FOXJ3: variants seen among roughly 807,000 people sequenced by gnomAD.
FOXJ3 encodes forkhead box J3.
A neutral mutation model predicts 76.1 loss-of-function variants in FOXJ3; 22 were observed. That is an observed-to-expected ratio of 0.29 (90% confidence interval 0.21 to 0.41). FOXJ3 has a LOEUF of 0.41. Ranked by LOEUF, FOXJ3 falls within the 10% of genes least tolerant of loss-of-function variation. The pLI, the probability that FOXJ3 is intolerant of heterozygous loss-of-function variation, is 1.00. For synonymous variants in FOXJ3, 269 were observed against 261.2 expected, an observed-to-expected ratio of 1.03 and a Z score of -0.29; for missense variants, 613 against 762.1, an observed-to-expected ratio of 0.80 and a Z score of 2.30.
intron 11 of FOXJ3, among the ~76,000 whole-genome samples, chr1:42,186,360 AG>A (rs1013322036): frequency 2.0e-5 from 3 of 152,118 alleles, no homozygotes; most frequent in African/African-American, 7.3e-5. Context: ...GGCAGGCATG[AG>A]TCAGAAGGAA....
chr1:42,310,480 C>T (rs1654740217), intron 2 of FOXJ3, among the ~76,000 whole-genome samples: 1 of 145,964 alleles, frequency 6.9e-6, no homozygotes, highest in Admixed American at 6.9e-5. Context: ...CAGAGTCTTG[C>T]TCTGTCCCCC....
At chr1:42,268,932 T>C (rs575071502) in intron 3 of FOXJ3, among the ~76,000 whole-genome samples, 2 of 152,232 alleles carry the variant, frequency 1.3e-5, no homozygotes, top group African/African-American at 4.8e-5. Flanking sequence ...TATTCTACCA[T>C]GTAAGGTTAT....
At chr1:42,305,328 G>A (rs1654391966) in intron 2 of FOXJ3, among the ~76,000 whole-genome samples, 1 of 152,104 alleles carries the variant, frequency 6.6e-6, no homozygotes. Flanking sequence ...CCACTATGGT[G>A]AACAGTTTGG....
intron 5 of FOXJ3, among the ~76,000 whole-genome samples, chr1:42,220,036 G>GC (rs1291420425): frequency 2.6e-5 from 4 of 152,160 alleles, no homozygotes; most frequent in African/African-American, 9.7e-5. Context: ...TCTAACAAGT[G>GC]CATTATTTCC....
At chr1:42,237,911 TACAC>T (rs60804378) in intron 4 of FOXJ3, among the ~76,000 whole-genome samples, 54,144 of 150,542 alleles carry the variant, frequency 0.36, 9,916 homozygotes, top group Admixed American at 0.49. Flanking sequence ...TCTATCAAAA[TACAC>T]ACACACACAC....
chr1:42,309,088 C>T (rs1470837978), intron 2 of FOXJ3, among the ~76,000 whole-genome samples: 1 of 149,504 alleles, frequency 6.7e-6, no homozygotes, highest in Admixed American at 6.7e-5. Flanking sequence ...AAACTACAAA[C>T]GTAACTTCAT....
chr1:42,185,086 ATC>A (rs1646408162), intron 11 of FOXJ3, among the ~76,000 whole-genome samples: 1 of 151,408 alleles, frequency 6.6e-6, no homozygotes, highest in African/African-American at 2.5e-5. Context: ...ACGTGACATG[ATC>A]TGACCTCTCT....
intron 2 of FOXJ3, among the ~76,000 whole-genome samples, chr1:42,290,078 A>G (rs1158746771): frequency 6.6e-6 from 1 of 152,166 alleles, no homozygotes; most frequent in Non-Finnish European, 1.5e-5. Context: ...TGATGTTTTA[A>G]GGAAAAAGTT....
At chr1:42,199,067 A>G (rs765332936) in intron 7 of FOXJ3, 35 bp downstream of exon 7, 20 of 1,559,532 alleles carry the variant, frequency 1.3e-5, no homozygotes, top group South Asian at 1.0e-4. Context: ...TACTAAATGA[A>G]TAACTATTAA....
At chr1:42,205,978 A>C in intron 5 of FOXJ3, 115 bp from the exon 6 acceptor site, 1 of 618,484 alleles carries the variant, frequency 1.6e-6, no homozygotes, top group East Asian at 2.8e-5. Flanking sequence ...TTGTTTCTGA[A>C]AATGAATTTA....
intron 2 of FOXJ3, among the ~76,000 whole-genome samples, chr1:42,295,186 G>T (rs1487467291): frequency 1.3e-5 from 2 of 152,108 alleles, no homozygotes; most frequent in African/African-American, 4.8e-5. Context: ...TACCCAACAT[G>T]TAATTTTTCA....
chr1:42,254,161 AACAG>A (rs1275221013), intron 4 of FOXJ3, among the ~76,000 whole-genome samples: 1 of 152,188 alleles, frequency 6.6e-6, no homozygotes, highest in Non-Finnish European at 1.5e-5. Flanking sequence ...GAAGGATATG[AACAG>A]ACACTCCTCA....
intron 2 of FOXJ3, among the ~76,000 whole-genome samples, chr1:42,291,667 G>C (rs1653445395): frequency 6.6e-6 from 1 of 151,898 alleles, no homozygotes; most frequent in Non-Finnish European, 1.5e-5. Flanking sequence ...TTTTGTTTTT[G>C]TTTTTGTTTC....
chr1:42,283,346 A>G (rs1303381497), intron 2 of FOXJ3, among the ~76,000 whole-genome samples: 1 of 152,192 alleles, frequency 6.6e-6, no homozygotes, highest in Admixed American at 6.5e-5. Context: ...CTCAAAACTG[A>G]GTCATAACAC....
At chr1:42,241,755 C>G (rs1365345097) in intron 4 of FOXJ3, among the ~76,000 whole-genome samples, 1 of 152,192 alleles carries the variant, frequency 6.6e-6, no homozygotes, top group Non-Finnish European at 1.5e-5. Flanking sequence ...GAGGACACAC[C>G]ACCTGTACAG....
intron 2 of FOXJ3, among the ~76,000 whole-genome samples, chr1:42,308,473 GTCT>G (rs1367243338): frequency 6.6e-6 from 1 of 152,110 alleles, no homozygotes. Flanking sequence ...ACAGACAATG[GTCT>G]TCTAAACATA....
At position 42,333,345 on chromosome 1, in the gene FOXJ3, GTTTT is replaced by G. The variant is rs568410365; in HGVS notation, c.-18+1710_-18+1713del. On this transcript the variant is annotated intron_variant, in intron 1 of 12. Coordinates refer to ENST00000361346, the MANE Select transcript of FOXJ3 (RefSeq NM_014947.5). ...CTAGTAAGTGACTTTGAAACATTAA[GTTTT>G]TTTATTTTACCCAAACTAATGAACA... Among the ~76,000 whole-genome samples the G allele has an allele frequency of 3.3e-4, 50 of 151,770 alleles. 1 individual carries two copies. Among genetic ancestry groups the G allele is most frequent in the Middle Eastern group, 6.8e-3 (2 of 294 alleles).
At chr1:42,251,153 CAAAGA>C (rs1427890586) in intron 4 of FOXJ3, among the ~76,000 whole-genome samples, 1 of 151,766 alleles carries the variant, frequency 6.6e-6, no homozygotes. Context: ...TGCTGACATC[CAAAGA>C]AAAGAGAAAA....
At chr1:42,311,864 T>C in intron 1 of FOXJ3, among the ~76,000 whole-genome samples, 1 of 152,218 alleles carries the variant, frequency 6.6e-6, no homozygotes, top group East Asian at 1.9e-4. Flanking sequence ...AACTGCAAGC[T>C]TGTTGTTAGA....
Sources: allele counts gnomAD v4.1 joint callset (sites outside exome capture counted in the v4.1 genomes callset), GRCh38; gene constraint gnomAD v4.1.1; transcripts MANE v1.5; gene names NCBI Gene and HGNC (gene_info 2026-07-23, HGNC 2026-07-21).